Variants in ANKRD17 observed in about 807,000 individuals in gnomAD.
The protein encoded by ANKRD17 is ankyrin repeat domain 17.
In ANKRD17, 19 loss-of-function variants were observed where a neutral mutation model predicts 229.7. The observed-to-expected ratio is 0.08, with a 90% CI of 0.06 to 0.12. The LOEUF is 0.12. Among genes scored for constraint, ANKRD17 ranks in the 10% least tolerant of loss-of-function variants. The pLI is 1.00. For missense variants in ANKRD17, 2,176 were observed against 3,176.8 expected (o/e 0.68, Z 7.57); for synonymous variants, 1,112 against 1,146.1 (o/e 0.97, Z 0.60).
chr4:73,196,912 T>C (rs1307335337), intron 1 of ANKRD17, among the ~76,000 whole-genome samples: 1 of 152,204 alleles, frequency 6.6e-6, no homozygotes, highest in Non-Finnish European at 1.5e-5. Flanking sequence ...TCTGATTTTA[T>C]TATTTGAGCT....
At chr4:73,148,057 G>T (rs2148850750) in intron 8 of ANKRD17, among the ~76,000 whole-genome samples, 1 of 152,262 alleles carries the variant, frequency 6.6e-6, no homozygotes, top group South Asian at 2.1e-4. Context: ...GGCACAGAAG[G>T]TTAGAAACTT....
chr4:73,105,479 A>G lies in ANKRD17; in HGVS notation c.4402-2932T>C, dbSNP rs563790342. The stretch of plus-strand genomic sequence containing the variant: ...CTGAAAGGCATAATCAGAGGAAGAC[A>G]AACAGGAGAAAGCAACTCCAATGGG... On this transcript the variant is annotated intron_variant, in intron 24 of 33. Transcript: ENST00000358602. Among the ~76,000 whole-genome samples the G allele has an allele frequency of 1.2e-3, 188 of 152,224 alleles. 2 individuals carry two copies. The highest frequency in any genetic ancestry group is 2.4e-3 in the Non-Finnish European group (163 of 68,002).
intron 2 of ANKRD17, among the ~76,000 whole-genome samples, chr4:73,174,690 CA>C (rs895380387): frequency 4.6e-5 from 7 of 151,956 alleles, no homozygotes; most frequent in African/African-American, 9.7e-5. Flanking sequence ...AAGACTTCAG[CA>C]AAAAAACTAT....
At chr4:73,216,126 T>G (rs540323709) in intron 1 of ANKRD17, among the ~76,000 whole-genome samples, 1 of 152,216 alleles carries the variant, frequency 6.6e-6, no homozygotes, top group African/African-American at 2.4e-5. Context: ...AGTCTAGTTA[T>G]CTTCCATTAA....
At chr4:73,152,272 G>C (rs1731096339) in intron 6 of ANKRD17, among the ~76,000 whole-genome samples, 1 of 152,156 alleles carries the variant, frequency 6.6e-6, no homozygotes, top group African/African-American at 2.4e-5. Flanking sequence ...AGGACAGATA[G>C]TGGAGTCACA....
At chr4:73,174,250 T>G (rs777604646) in intron 2 of ANKRD17, among the ~76,000 whole-genome samples, 5 of 152,156 alleles carry the variant, frequency 3.3e-5, no homozygotes, top group African/African-American at 9.7e-5. Flanking sequence ...CAAATGGGTT[T>G]CACACCAGGA....
intron 1 of ANKRD17, among the ~76,000 whole-genome samples, chr4:73,178,989 AC>A (rs1330868438): frequency 6.6e-6 from 1 of 152,170 alleles, no homozygotes; most frequent in Non-Finnish European, 1.5e-5. Flanking sequence ...AAGCTAGAAT[AC>A]AATCACGCTC....
At chr4:73,167,935 G>A (rs1330671764) in intron 2 of ANKRD17, among the ~76,000 whole-genome samples, 2 of 151,974 alleles carry the variant, frequency 1.3e-5, no homozygotes, top group East Asian at 1.9e-4. Flanking sequence ...GGTGGATCAC[G>A]AGGTCAGGAG....
Position 73,135,377 on chromosome 4 carries a change from G to T in ANKRD17, c.3086-112C>A, listed in dbSNP as rs776979666. The T allele has an allele frequency of 1.3e-5, 13 of 1,028,104 alleles. No homozygotes were observed. In the Middle Eastern group the frequency reaches 7.2e-4, roughly 57 times the overall value. 63.7% of individuals were successfully genotyped at this position (1,028,104 alleles called of 1,614,324 possible). The stretch of plus-strand genomic sequence containing the variant: ...TCTTAAAACAATATGTCTACAGGAA[G>T]ACTACTATAGCACTAATAACTAATT... On this transcript the variant is annotated intron_variant, in intron 15 of 33. Coordinates refer to ENST00000358602, the MANE Select transcript of ANKRD17 (RefSeq NM_032217.5).
In ANKRD17 at chr4:73,149,055, T is replaced by C. The variant is rs199849455; in HGVS notation, c.1330-5A>G. ...AGCTACTTCAACATGGCCATCCTAA[T>C]GATAATACAATTTAAAAAATTAAAT... On this transcript the variant is annotated splice_region_variant and splice_polypyrimidine_tract_variant and intron_variant, in intron 7 of 33. Coordinates refer to ENST00000358602, the MANE Select transcript of ANKRD17 (RefSeq NM_032217.5). 81 of 1,605,272 alleles carry C rather than the reference T, an allele frequency of 5.0e-5. 1 individual carries two copies. The East Asian group carries it at 1.8e-3, about 35-fold the overall frequency.
intron 2 of ANKRD17, among the ~76,000 whole-genome samples, chr4:73,162,747 T>C (rs922253470): frequency 4.6e-5 from 7 of 152,208 alleles, no homozygotes; most frequent in Non-Finnish European, 4.4e-5. Context: ...CTCTTTCAGA[T>C]ATCCCTATAA....
At chr4:73,142,798 T>C (rs1729775662) in intron 11 of ANKRD17, 31 bp from the exon 12 acceptor site, 7 of 1,582,108 alleles carry the variant, frequency 4.4e-6, no homozygotes, top group Non-Finnish European at 6.0e-6. Context: ...AAAATCATAT[T>C]AGTAGAATGG....
At chr4:73,147,949 T>C (rs1462957614) in intron 8 of ANKRD17, among the ~76,000 whole-genome samples, 1 of 152,168 alleles carries the variant, frequency 6.6e-6, no homozygotes, top group Non-Finnish European at 1.5e-5. Context: ...CCACCATCAC[T>C]ATAGCTAGCA....
intron 18 of ANKRD17, among the ~76,000 whole-genome samples, chr4:73,123,084 C>G (rs1726969480): frequency 3.3e-5 from 5 of 151,970 alleles, no homozygotes; most frequent in Admixed American, 3.3e-4. Context: ...TTGTTATAAC[C>G]TAATCTGTTA....
intron 24 of ANKRD17, among the ~76,000 whole-genome samples, chr4:73,108,176 G>A (rs964467979): frequency 2.6e-5 from 4 of 152,120 alleles, no homozygotes; most frequent in Non-Finnish European, 5.9e-5. Flanking sequence ...ATGGAGTATA[G>A]AGAGAAATTA....
chr4:73,239,147 G>T (rs938035041), intron 1 of ANKRD17, among the ~76,000 whole-genome samples: 27 of 152,156 alleles, frequency 1.8e-4, no homozygotes, highest in African/African-American at 6.3e-4. Context: ...GGGATATCCA[G>T]AAAGAACAGA....
intron 1 of ANKRD17, among the ~76,000 whole-genome samples, chr4:73,189,213 C>A (rs1048642069): frequency 4.0e-5 from 6 of 151,578 alleles, no homozygotes; most frequent in African/African-American, 1.5e-4. Context: ...AACGAGATAA[C>A]AACAACAACA....
chr4:73,144,930 G>A lies in ANKRD17; in HGVS notation c.1870-98C>T, dbSNP rs1295220281. The A allele has an allele frequency of 5.8e-6, 4 of 693,440 alleles. No individual in the cohort carries two copies. The African/African-American group carries it at 7.4e-5, about 13-fold the overall frequency. 43.0% of individuals were successfully genotyped at this position (693,440 alleles called of 1,614,324 possible). A position where few individuals can be genotyped will look rare whatever the true frequency, so the allele number is the denominator to read the frequency against. On this transcript the variant is annotated intron_variant, in intron 10 of 33. Transcript: ENST00000358602. The stretch of plus-strand genomic sequence containing the variant: ...AAGGAAAATAATTGGACTGATTTCT[G>A]AATCTAAATATTTAAATATAATGCT...
intron 1 of ANKRD17, among the ~76,000 whole-genome samples, chr4:73,186,957 C>T (rs1736376397): frequency 7.3e-6 from 1 of 137,436 alleles, no homozygotes; most frequent in South Asian, 2.2e-4. Context: ...CTTTACAACA[C>T]ACACAGATAC....
Sources: allele counts gnomAD v4.1 joint callset (sites outside exome capture counted in the v4.1 genomes callset), GRCh38; gene constraint gnomAD v4.1.1; transcripts MANE v1.5; gene names NCBI Gene and HGNC (gene_info 2026-07-23, HGNC 2026-07-21).